The following PIGT variants were observed in gnomAD, a reference collection of about 807,000 sequenced individuals.
The protein encoded by PIGT is GPI-anchor transamidase component PIGT.
In PIGT, 57 loss-of-function variants were observed where a neutral mutation model predicts 66.7. The ratio of observed to expected loss-of-function variants is 0.86; its 90% CI spans 0.69 to 1.07. PIGT has a LOEUF of 1.07. PIGT is among the 50% of genes least tolerant of loss of function. The pLI, the probability that PIGT is intolerant of heterozygous loss-of-function variation, is 0.00. For missense variants in PIGT, 725 were observed against 740.4 expected, an observed-to-expected ratio of 0.98 and a Z score of 0.24; for synonymous variants, 362 against 320.5, an observed-to-expected ratio of 1.13 and a Z score of -1.38.
Position 45,425,970 on chromosome 20 carries a change from A to G in PIGT, c.*144A>G. 2.3e-6 allele frequency: 2 copies of G among 870,172 alleles called. No individual in the cohort carries two copies. The highest frequency in any genetic ancestry group is 1.7e-6 in the Non-Finnish European group (1 of 581,788). The allele number at this position is 870,172 out of a possible 1,614,324, so 53.9% of individuals were successfully genotyped here. ...GTCAGGGCCTACAGCTGTGTTGTCC[A>G]GTACAGGAGCCACGAGCCAAATGTG... On this transcript the variant is annotated 3_prime_UTR_variant, in exon 12 of 12. Transcript: ENST00000279036.
rs577271638 is a variant in PIGT at position 45,424,344 on chromosome 20, G to A, written c.1363G>A (p.Glu455Lys). 22 of 1,614,174 alleles carry A rather than the reference G, an allele frequency of 1.4e-5. No homozygotes were observed. Among genetic ancestry groups the A allele is most frequent in the East Asian group, 4.5e-5 (2 of 44,888 alleles). Residue 455 changes from glutamate to lysine, a missense_variant, in exon 10 of 12, where the codon GAG (glutamate) becomes AAG (lysine). By Grantham distance (56) the Glu-to-Lys change is moderately conservative (BLOSUM62 1). Coordinates refer to ENST00000279036, the MANE Select transcript of PIGT (RefSeq NM_015937.6). ...TGAGCGGGCGCTGCTGAAGTGGACCGAGTACACGCCAGATCCTAACCATGG... is the reference window on the plus strand; with the variant it reads ...TGAGCGGGCGCTGCTGAAGTGGACCAAGTACACGCCAGATCCTAACCATGG... ...QFERALLKWT[E>K]YTPDPNHGFY... is the part of the protein sequence containing the mutation.
At chr20:45,423,976 T>C (rs1990551469) in intron 9 of PIGT, 1 of 535,058 alleles carries the variant, frequency 1.9e-6, no homozygotes, top group African/African-American at 1.9e-5. Context: ...GATGTGAAGA[T>C]TGATTAGCCA....
chr20:45,424,884 A>C, intron 11 of PIGT: 4 of 402,772 alleles, frequency 9.9e-6, no homozygotes, highest in Non-Finnish European at 1.9e-5. Flanking sequence ...CTGAGTGTGC[A>C]AGATTAAACA....
chr20:45,418,765 A>C, intron 2 of PIGT, 87 bp from the exon 3 acceptor site: 1 of 1,522,944 alleles, frequency 6.6e-7, no homozygotes, highest in Non-Finnish European at 9.1e-7. Flanking sequence ...GCCTCCTCCT[A>C]TCATAGGTTT....
chr20:45,421,276 T>TG (rs1555877264), intron 8 of PIGT, 107 bp from the exon 9 acceptor site: 38 of 875,006 alleles, frequency 4.3e-5, no homozygotes, highest in Non-Finnish European at 5.7e-5. Context: ...GCAGGGCTGT[T>TG]CCCCATCTAC....
rs1266157664 is a variant in PIGT, at chr20:45,419,429, G to A, written c.594+34G>A. The stretch of plus-strand genomic sequence containing the variant: ...GCAGAGCCTGGCAGCCGGGGGCGGG[G>A]GGTGTATAGAGAACCTGCGCCCCAT... On this transcript the variant is annotated intron_variant, in intron 4 of 11. Coordinates refer to ENST00000279036, the MANE Select transcript of PIGT (RefSeq NM_015937.6). 1.9e-6 allele frequency: 3 copies of A among 1,609,094 alleles called. No individual in the cohort carries two copies. The South Asian group carries it at 3.3e-5, about 18-fold the overall frequency.
In PIGT at chr20:45,416,549, G is replaced by C. The variant is rs750159732; in HGVS notation, c.220G>C (p.Gly74Arg). ...SHYRLFPKAL[G>R]QLISKYSLRE... ...TTACAGGCTCTTTCCCAAAGCCCTG[G>C]GGCAGCTGATCTCCAAGTATTCTCT... The change falls in exon 2 of 12, where the codon GGG becomes CGG. Residue 74 changes from glycine (G) to arginine (R), a missense_variant. Transcript: ENST00000279036. 1.9e-6 allele frequency: 3 copies of C among 1,614,146 alleles called. No homozygotes were observed. The highest frequency in any genetic ancestry group is 2.5e-6 in the Non-Finnish European group (3 of 1,180,010).
chr20:45,419,512 C>T lies in PIGT; in HGVS notation c.603C>T (p.Leu201=), dbSNP rs1990213687. ...CTTTCCATCTCCTCCAGGCAGGCCT[C>T]TCTGTGCTGCTGAAGGCAGATCGCT... ...KLLPCSSKAG[L]SVLLKADRLF... Residue 201 remains leucine (L), a synonymous_variant, in exon 5 of 12, where the codon CTC becomes CTT. Transcript: ENST00000279036. The T allele has an allele frequency of 6.2e-7, 1 of 1,614,206 alleles. No individual in the cohort carries two copies.
chr20:45,424,490 C>T lies in PIGT; in HGVS notation c.1401-6C>T. ...GAACACGGGCCATCTCTCTGCTTCT[C>T]TGTAGCCCATCTGTCCTCAGCGCCC... is the stretch of plus-strand genomic sequence containing the variant. On this transcript the variant is annotated splice_region_variant and splice_polypyrimidine_tract_variant and intron_variant, in intron 10 of 11. Transcript: ENST00000279036. 3.7e-6 allele frequency: 6 copies of T among 1,614,186 alleles called. No homozygotes were observed. The highest frequency in any genetic ancestry group is 1.6e-4 in the Middle Eastern group (1 of 6,062).
Position 45,420,240 on chromosome 20 carries a change from A to C in PIGT, c.769+17A>C. 2 of 1,603,572 alleles carry C rather than the reference A, an allele frequency of 1.2e-6. No individual in the cohort carries two copies. The highest frequency in any genetic ancestry group is 8.5e-7 in the Non-Finnish European group (1 of 1,172,986). On this transcript the variant is annotated intron_variant, in intron 6 of 11. Transcript: ENST00000279036. ...GAAAGAAAGGTAAGTTACCTTGGCAACTCATCTGTACCCACCCATGCCAGC... is the reference window on the plus strand; with the variant it reads ...GAAAGAAAGGTAAGTTACCTTGGCACCTCATCTGTACCCACCCATGCCAGC...
rs773790934 is a variant in PIGT, at chr20:45,419,621, T to C, written c.681+31T>C. 11 of 1,473,530 alleles carry C rather than the reference T, an allele frequency of 7.5e-6. No individual in the cohort carries two copies. In the Admixed American group the frequency reaches 1.3e-4, roughly 18 times the overall value. The allele number at this position is 1,473,530 out of a possible 1,614,324, so 91.3% of individuals were successfully genotyped here. Reference sequence around the variant, plus strand: ...TCATGGGGAGTAGAGGAAGCTGCCATCCAGGGGCTCAGAGAAGGTACATGT... The same window carrying C: ...TCATGGGGAGTAGAGGAAGCTGCCACCCAGGGGCTCAGAGAAGGTACATGT... On this transcript the variant is annotated intron_variant, in intron 5 of 11. Coordinates refer to ENST00000279036, the MANE Select transcript of PIGT (RefSeq NM_015937.6).
At chr20:45,423,466 T>C (rs1990510096) in intron 9 of PIGT, 1 of 151,698 alleles carries the variant, frequency 6.6e-6, no homozygotes, top group Admixed American at 6.6e-5. Context: ...GATCATACTA[T>C]TGCACTTCAG....
In PIGT at chr20:45,425,837, T is replaced by C. The variant is rs1254751576; in HGVS notation, c.*11T>C. On this transcript the variant is annotated 3_prime_UTR_variant, in exon 12 of 12. Transcript: ENST00000279036. The stretch of plus-strand genomic sequence containing the variant: ...GTCCCCCCACTCTGATTCTTGCCCT[T>C]TCCAGCAGCTGCAGCTGCCGTTTCT... 8 of 1,608,384 alleles carry C rather than the reference T, an allele frequency of 5.0e-6. No homozygotes were observed. The highest frequency in any genetic ancestry group is 6.8e-6 in the Non-Finnish European group (8 of 1,176,196).
In PIGT at chr20:45,420,180, G is replaced by A; in HGVS notation, c.726G>A (p.Leu242=). Residue 242 remains leucine (L), a synonymous_variant, in exon 6 of 12, where the codon CTG becomes CTA. Transcript: ENST00000279036. ...TSISWELRQT[L]SVVFDAFITG... ...TCTCCTGGGAGCTGAGGCAGACCCTGTCAGTTGTATTTGATGCCTTCATCA... is the reference window on the plus strand; with the variant it reads ...TCTCCTGGGAGCTGAGGCAGACCCTATCAGTTGTATTTGATGCCTTCATCA... The A allele has an allele frequency of 6.2e-7, 1 of 1,612,722 alleles. No homozygotes were observed. The highest frequency in any genetic ancestry group is 8.5e-7 in the Non-Finnish European group (1 of 1,179,420).
rs761696215 is a variant in PIGT, at chr20:45,416,533, C to T, written c.204C>T (p.Leu68=). The change falls in exon 2 of 12, where the codon CTC becomes CTT. Residue 68 remains leucine, a synonymous_variant. Transcript: ENST00000279036. The part of the protein sequence containing the change: ...LQREGVSHYR[L]FPKALGQLIS... Reference sequence around the variant, plus strand: ...TTTCCCCAGTGTCCCATTACAGGCTCTTTCCCAAAGCCCTGGGGCAGCTGA... The same window carrying T: ...TTTCCCCAGTGTCCCATTACAGGCTTTTTCCCAAAGCCCTGGGGCAGCTGA... 49 of 1,614,010 alleles carry T rather than the reference C, an allele frequency of 3.0e-5. No individual in the cohort carries two copies. In the Admixed American group the frequency reaches 4.5e-4, roughly 15 times the overall value.
intron 3 of PIGT, 68 bp from the exon 4 acceptor site, chr20:45,419,227 C>G: frequency 7.5e-7 from 1 of 1,341,518 alleles, no homozygotes; most frequent in Non-Finnish European, 1.1e-6. Flanking sequence ...TCATTCCCAT[C>G]TCTGGAATGT....
chr20:45,422,032 T>G (rs1990398103), intron 9 of PIGT: 1 of 152,052 alleles, frequency 6.6e-6, no homozygotes, highest in Non-Finnish European at 1.5e-5. Flanking sequence ...TTATTTCTAT[T>G]TTTATTAAAA....
At chr20:45,423,541 A>G (rs1438035796) in intron 9 of PIGT, 1 of 151,810 alleles carries the variant, frequency 6.6e-6, no homozygotes, top group Non-Finnish European at 1.5e-5. Flanking sequence ...TAAAATTACT[A>G]GACTATTCTT....
rs780632511 is a variant in PIGT at position 45,420,359 on chromosome 20, G to T, written c.797G>T (p.Arg266Leu). The change falls in exon 7 of 12, where the codon CGA becomes CTA. Residue 266 changes from arginine to leucine, a missense_variant. Physicochemically the swap from Arg to Leu is moderately radical, Grantham distance 102. This residue lies in a region of PIGT where 559 missense variants were observed against 552.7 expected (regional missense o/e 1.01). Coordinates refer to ENST00000279036, the MANE Select transcript of PIGT (RefSeq NM_015937.6). ...KDWSLFRMFS[R>L]TLTEPCPLAS... Reference sequence around the variant, plus strand: ...TGGTCCCTCTTCCGGATGTTCTCCCGAACCCTCACGGAGCCCTGCCCCCTG... The same window carrying T: ...TGGTCCCTCTTCCGGATGTTCTCCCTAACCCTCACGGAGCCCTGCCCCCTG... 6.2e-7 allele frequency: 1 copy of T among 1,613,316 alleles called. No individual in the cohort carries two copies. The highest frequency in any genetic ancestry group is 1.1e-5 in the South Asian group (1 of 90,946).
Sources: gnomAD v4.1 joint callset for allele counts on GRCh38, gnomAD v4.1.1 for gene constraint, gnomAD v4.1.1 regional missense constraint, MANE v1.5 for transcripts, NCBI Gene and HGNC (gene_info 2026-07-23, HGNC 2026-07-21) for gene names.